CEP128: variants seen among roughly 807,000 people sequenced by gnomAD.
The protein encoded by CEP128 is centrosomal protein 128, also known as centrosomal protein 128kDa.
A neutral mutation model predicts 156.7 loss-of-function variants in CEP128; 132 were observed. That is an observed-to-expected ratio of 0.84 (90% confidence interval 0.73 to 0.97). CEP128 has a LOEUF of 0.97. CEP128 is among the 50% of genes least tolerant of loss of function. The pLI, the probability that CEP128 is intolerant of heterozygous loss-of-function variation, is 0.00. For missense variants in CEP128, 1,252 were observed against 1,281.9 expected (o/e 0.98, Z 0.36); for synonymous variants, 469 against 448.9 (o/e 1.04, Z -0.57).
At chr14:80,506,431 C>T (rs377160640) in intron 23 of CEP128, among the ~76,000 whole-genome samples, 26 of 128,314 alleles carry the variant, frequency 2.0e-4, no homozygotes, top group African/African-American at 7.3e-4. Context: ...TTTCAAAGAT[C>T]ACTTGGGCCT....
intron 2 of CEP128, among the ~76,000 whole-genome samples, chr14:80,954,044 C>T (rs1028245071): frequency 1.3e-5 from 2 of 151,970 alleles, no homozygotes; most frequent in Admixed American, 1.3e-4. Context: ...CCGAGGCGGG[C>T]GGATCACGAG....
chr14:80,622,984 A>T (rs1217097645), intron 19 of CEP128, among the ~76,000 whole-genome samples: 1 of 152,220 alleles, frequency 6.6e-6, no homozygotes, highest in Non-Finnish European at 1.5e-5. Context: ...ACTATAAATC[A>T]TGCTGCTATA....
intron 19 of CEP128, among the ~76,000 whole-genome samples, chr14:80,691,481 C>A (rs1896718121): frequency 6.6e-6 from 1 of 152,116 alleles, no homozygotes; most frequent in South Asian, 2.1e-4. Context: ...ACCAGCAGGT[C>A]TCAGCAACTA....
chr14:80,925,992 A>G (rs1292736373), intron 2 of CEP128, among the ~76,000 whole-genome samples: 1 of 152,208 alleles, frequency 6.6e-6, no homozygotes, highest in Non-Finnish European at 1.5e-5. Flanking sequence ...AAGCAGGGAC[A>G]GAGGGAAGCC....
intron 4 of CEP128, among the ~76,000 whole-genome samples, chr14:80,913,099 T>A (rs910993121): frequency 6.6e-6 from 1 of 152,150 alleles, no homozygotes; most frequent in Non-Finnish European, 1.5e-5. Flanking sequence ...TTTTCTTACA[T>A]CCCCATGTAA....
rs541391458 is a variant in CEP128 at position 80,504,973 on chromosome 14, G to C, written c.3120C>G (p.His1040Gln). ...GACTGTGATCCTGCCAAGAGGATGA[G>C]TGATCTAACCCACGAGTGTGGGAAC... ...LEGSHTRGLD[H>Q]SSSWQDHSRF... is the part of the protein sequence containing the mutation. The change falls in exon 24 of 25, where the codon CAC becomes CAG. Residue 1040 changes from histidine to glutamine, a missense_variant. By Grantham distance (24) the His-to-Gln change is conservative. Coordinates refer to ENST00000555265, the MANE Select transcript of CEP128 (RefSeq NM_152446.5). 6.2e-7 allele frequency: 1 copy of C among 1,604,836 alleles called. No individual in the cohort carries two copies. Among genetic ancestry groups the C allele is most frequent in the South Asian group, 1.1e-5 (1 of 89,064 alleles).
At chr14:80,517,585 C>T (rs374807592) in intron 23 of CEP128, among the ~76,000 whole-genome samples, 1 of 152,124 alleles carries the variant, frequency 6.6e-6, no homozygotes, top group Admixed American at 6.5e-5. Context: ...GGATAGACAA[C>T]ATATATTGTA....
chr14:80,759,937 C>T (rs1005517959), intron 17 of CEP128, among the ~76,000 whole-genome samples: 2 of 149,250 alleles, frequency 1.3e-5, no homozygotes, highest in Non-Finnish European at 3.0e-5. Flanking sequence ...TGTGTGTATA[C>T]ATATATATAT....
At chr14:80,647,570 T>C (rs1174457951) in intron 19 of CEP128, among the ~76,000 whole-genome samples, 1 of 152,040 alleles carries the variant, frequency 6.6e-6, no homozygotes, top group African/African-American at 2.4e-5. Flanking sequence ...CTATCAAGAC[T>C]CAATAATCTA....
chr14:80,881,717 G>C (rs1171426995), intron 8 of CEP128, among the ~76,000 whole-genome samples: 1 of 152,106 alleles, frequency 6.6e-6, no homozygotes, highest in Non-Finnish European at 1.5e-5. Context: ...TTGAAAAAAG[G>C]TCATCAATAC....
At chr14:80,849,422 G>A (rs1043304753) in intron 9 of CEP128, among the ~76,000 whole-genome samples, 2 of 152,114 alleles carry the variant, frequency 1.3e-5, no homozygotes, top group Non-Finnish European at 2.9e-5. Context: ...TAACACTGGC[G>A]AGGAAAGTTT....
chr14:80,663,992 G>A (rs997962245), intron 19 of CEP128, among the ~76,000 whole-genome samples: 1 of 152,134 alleles, frequency 6.6e-6, no homozygotes, highest in African/African-American at 2.4e-5. Flanking sequence ...AAAATTCTCA[G>A]CAGCCCCCAA....
chr14:80,948,563 G>A (rs1647121662), intron 2 of CEP128, among the ~76,000 whole-genome samples: 1 of 152,070 alleles, frequency 6.6e-6, no homozygotes, highest in Non-Finnish European at 1.5e-5. Flanking sequence ...ACTTTAATGG[G>A]GACTTTCTGA....
At chr14:80,887,491 A>C (rs1297492538) in intron 8 of CEP128, among the ~76,000 whole-genome samples, 1 of 152,226 alleles carries the variant, frequency 6.6e-6, no homozygotes, top group Non-Finnish European at 1.5e-5. Context: ...AAACTGCACA[A>C]CTACATGGAA....
At chr14:80,937,720 T>C (rs1325482017) in intron 2 of CEP128, among the ~76,000 whole-genome samples, 2 of 152,154 alleles carry the variant, frequency 1.3e-5, no homozygotes, top group Non-Finnish European at 2.9e-5. Context: ...GTATTGTAAC[T>C]ACTTTATATC....
chr14:80,512,200 A>G (rs1888291603), intron 23 of CEP128, among the ~76,000 whole-genome samples: 1 of 151,902 alleles, frequency 6.6e-6, no homozygotes, highest in Admixed American at 6.6e-5. Context: ...TTGTATTGGT[A>G]TCTTTCTCTC....
chr14:80,926,985 A>G (rs375865844), intron 2 of CEP128, among the ~76,000 whole-genome samples: 2 of 152,314 alleles, frequency 1.3e-5, no homozygotes, highest in African/African-American at 4.8e-5. Context: ...CATCAGAGCC[A>G]TGCTAGTACT....
intron 19 of CEP128, among the ~76,000 whole-genome samples, chr14:80,613,141 C>T (rs1417509157): frequency 6.6e-6 from 1 of 151,580 alleles, no homozygotes; most frequent in Admixed American, 6.6e-5. Flanking sequence ...CAGGAATGAG[C>T]CACCACGCCC....
intron 19 of CEP128, among the ~76,000 whole-genome samples, chr14:80,640,663 T>C (rs1894368941): frequency 6.6e-6 from 1 of 152,132 alleles, no homozygotes; most frequent in East Asian, 1.9e-4. Flanking sequence ...TATCTAAAAC[T>C]CTCTTCTTAT....
Sources: gnomAD v4.1 joint callset for allele counts (sites outside exome capture counted in the v4.1 genomes callset) on GRCh38, gnomAD v4.1.1 for gene constraint, MANE v1.5 for transcripts, NCBI Gene and HGNC (gene_info 2026-07-23, HGNC 2026-07-21) for gene names.